Variants in C10orf90 observed in about 807,000 individuals in gnomAD.
C10orf90 encodes the protein (E2-independent) E3 ubiquitin-conjugating enzyme FATS.
In C10orf90, 56 loss-of-function variants were observed where a neutral mutation model predicts 62.5. The ratio of observed to expected loss-of-function variants is 0.90; its 90% CI spans 0.72 to 1.12. The LOEUF is 1.12. C10orf90 is among the 50% of genes most tolerant of loss of function. The pLI is 0.00. For missense variants in C10orf90, 970 were observed against 880.4 expected (o/e 1.10, Z -1.29); for synonymous variants, 386 against 340.4 (o/e 1.13, Z -1.47).
intron 2 of C10orf90, among the ~76,000 whole-genome samples, chr10:126,562,881 G>A (rs746351785): frequency 4.6e-5 from 7 of 152,320 alleles, no homozygotes; most frequent in South Asian, 2.1e-4. Context: ...CGCACACAGC[G>A]CAGAGACCAA....
intron 1 of C10orf90, among the ~76,000 whole-genome samples, chr10:126,656,013 C>T (rs1175600901): frequency 6.6e-6 from 1 of 151,996 alleles, no homozygotes; most frequent in Non-Finnish European, 1.5e-5. Flanking sequence ...GAGTCCTTTT[C>T]GTGGCTGACT....
In C10orf90 at chr10:126,482,154, C is replaced by T. The variant is rs186166971; in HGVS notation, c.1535-17168G>A. Among the ~76,000 whole-genome samples, 18 of 152,270 alleles carry T rather than the reference C, an allele frequency of 1.2e-4. No individual in the cohort carries two copies. The East Asian group carries it at 2.5e-3, about 21-fold the overall frequency. ...TTTGGATCTTCATCTTCAAGACTCC[C>T]GTGTCATGTAAAACTAGGATTAAAT... On this transcript the variant is annotated intron_variant, in intron 4 of 9. Transcript: ENST00000488181.
intron 2 of C10orf90, among the ~76,000 whole-genome samples, chr10:126,584,265 CCTGT>C (rs1196840615): frequency 6.6e-6 from 1 of 152,112 alleles, no homozygotes. Context: ...TGCCTGCCTG[CCTGT>C]CTACCTGTCT....
Position 126,593,150 on chromosome 10 carries a change from C to T in C10orf90, c.313+53415G>A, listed in dbSNP as rs189687780. Among the ~76,000 whole-genome samples the T allele has an allele frequency of 2.0e-4, 31 of 152,236 alleles. No individual in the cohort carries two copies. In the East Asian group the frequency reaches 2.9e-3, roughly 14 times the overall value. On this transcript the variant is annotated intron_variant, in intron 2 of 9. Coordinates refer to ENST00000488181, the MANE Select transcript of C10orf90 (RefSeq NM_001350921.2). ...TGGTGATTTCTCAAAGATCTAGAAG[C>T]GGAAATGCCATTTGACCCAGCAATC...
At position 126,642,538 on chromosome 10, in the gene C10orf90, A is replaced by T. The variant is rs992437619; in HGVS notation, c.313+4027T>A. 7.8e-4 allele frequency among the ~76,000 whole-genome samples: 118 copies of T among 152,048 alleles called. 1 individual carries two copies. The highest frequency in any genetic ancestry group is 2.7e-3 in the African/African-American group (113 of 41,406). ...CAGAGCGAGACTCCATCTCAAAAAA[A>T]AAATACAAAACCCTGATGTCTGCTC... On this transcript the variant is annotated intron_variant, in intron 2 of 9. Coordinates refer to ENST00000488181, the MANE Select transcript of C10orf90 (RefSeq NM_001350921.2).
chr10:126,513,871 C>T lies in C10orf90; in HGVS notation c.382G>A (p.Glu128Lys). 6.2e-7 allele frequency: 1 copy of T among 1,612,348 alleles called. No individual in the cohort carries two copies. The highest frequency in any genetic ancestry group is 8.5e-7 in the Non-Finnish European group (1 of 1,178,618). Reference sequence around the variant, plus strand: ...ACCTTGGTGAAGTCAGATTTTGCCTCTGTGACATCAGACTGGAGATTTTTA... The same window carrying T: ...ACCTTGGTGAAGTCAGATTTTGCCTTTGTGACATCAGACTGGAGATTTTTA... ...ALKNLQSDVTEAKSDFTKETL... is the reference protein window; with the variant it reads ...ALKNLQSDVTKAKSDFTKETL... The change falls in exon 3 of 10, where the codon GAG becomes AAG. Residue 128 changes from glutamate to lysine, a missense_variant. By Grantham distance (56) the Glu-to-Lys change is moderately conservative (BLOSUM62 1). Transcript: ENST00000488181.
chr10:126,503,257 A>G (rs11245005), intron 4 of C10orf90, among the ~76,000 whole-genome samples: 21,833 of 152,142 alleles, frequency 0.14, 1,784 homozygotes, highest in East Asian at 0.29. Flanking sequence ...CCTCAGGGCA[A>G]CCCATCCTGG....
chr10:126,576,981 G>A (rs1353938816), intron 2 of C10orf90, among the ~76,000 whole-genome samples: 1 of 151,468 alleles, frequency 6.6e-6, no homozygotes, highest in African/African-American at 2.4e-5. Flanking sequence ...TAGAACAGAG[G>A]ATACTAGAGG....
chr10:126,454,945 G>A (rs1408648980), intron 7 of C10orf90, among the ~76,000 whole-genome samples: 8 of 152,060 alleles, frequency 5.3e-5, no homozygotes, highest in Non-Finnish European at 1.0e-4. Flanking sequence ...TAATGTCGGA[G>A]ACTTGAAATC....
chr10:126,464,095 A>G (rs1160649960), intron 5 of C10orf90, among the ~76,000 whole-genome samples: 3 of 152,130 alleles, frequency 2.0e-5, no homozygotes, highest in African/African-American at 4.8e-5. Context: ...CGTTTTTCCA[A>G]TGTGTTCTTG....
intron 2 of C10orf90, among the ~76,000 whole-genome samples, chr10:126,521,779 G>A (rs1364144085): frequency 6.6e-6 from 1 of 152,138 alleles, no homozygotes; most frequent in Admixed American, 6.5e-5. Context: ...GCTCTTATAA[G>A]ACTGATTGGT....
intron 2 of C10orf90, among the ~76,000 whole-genome samples, chr10:126,543,074 A>T (rs1442399319): frequency 6.6e-6 from 1 of 152,212 alleles, no homozygotes; most frequent in Non-Finnish European, 1.5e-5. Context: ...AAATTCCTTA[A>T]ATCACCCATA....
chr10:126,451,196 G>A (rs546785736), intron 7 of C10orf90, among the ~76,000 whole-genome samples: 84 of 152,250 alleles, frequency 5.5e-4, no homozygotes, highest in African/African-American at 2.0e-3. Flanking sequence ...AACAAGTGTT[G>A]GCAAGAATGT....
intron 4 of C10orf90, among the ~76,000 whole-genome samples, chr10:126,476,613 C>G (rs1488189552): frequency 3.3e-5 from 5 of 152,204 alleles, no homozygotes; most frequent in Non-Finnish European, 7.3e-5. Flanking sequence ...AAATGACGAC[C>G]ATTTCTCAAT....
At chr10:126,581,085 G>A (rs574793298) in intron 2 of C10orf90, among the ~76,000 whole-genome samples, 3 of 152,156 alleles carry the variant, frequency 2.0e-5, no homozygotes, top group East Asian at 1.9e-4. Context: ...ACTAGCCGCC[G>A]TGCAGAGTGG....
At chr10:126,481,732 G>A (rs1055376501) in intron 4 of C10orf90, among the ~76,000 whole-genome samples, 20 of 152,050 alleles carry the variant, frequency 1.3e-4, no homozygotes, top group African/African-American at 2.9e-4. Context: ...ATCTCTCCCC[G>A]TTCATCCTCC....
At chr10:126,625,985 C>T (rs1036707864) in intron 2 of C10orf90, among the ~76,000 whole-genome samples, 3 of 151,954 alleles carry the variant, frequency 2.0e-5, no homozygotes, top group Non-Finnish European at 4.4e-5. Context: ...ATAAAATAGC[C>T]GGGTATGGTG....
At chr10:126,554,923 C>A (rs1192836784) in intron 2 of C10orf90, among the ~76,000 whole-genome samples, 1 of 152,204 alleles carries the variant, frequency 6.6e-6, no homozygotes, top group African/African-American at 2.4e-5. Context: ...ACAACCTGGG[C>A]ATTGAAGAAG....
chr10:126,634,579 G>A (rs533838712), intron 2 of C10orf90, among the ~76,000 whole-genome samples: 6 of 151,938 alleles, frequency 3.9e-5, no homozygotes, highest in South Asian at 4.2e-4. Flanking sequence ...GTACAATAGC[G>A]TATTGTACAC....
Sources: allele counts gnomAD v4.1 joint callset (sites outside exome capture counted in the v4.1 genomes callset), GRCh38; gene constraint gnomAD v4.1.1; transcripts MANE v1.5; gene names NCBI Gene and HGNC (gene_info 2026-07-23, HGNC 2026-07-21).